The following MAD1L1 variants were observed in gnomAD, a reference collection of about 807,000 sequenced individuals.
The protein encoded by MAD1L1 is mitotic arrest deficient 1 like 1, also known as mitotic spindle assembly checkpoint protein MAD1.
MAD1L1 carries 95 observed loss-of-function variants against 96.9 expected under a neutral mutation model. That is an observed-to-expected ratio of 0.98 (90% CI 0.83 to 1.16). The LOEUF is 1.16. Among genes scored for constraint, MAD1L1 ranks in the 50% most tolerant of loss-of-function variants. The pLI is 0.00. For missense variants in MAD1L1, 1,007 were observed against 954.4 expected, an observed-to-expected ratio of 1.06 and a Z score of -0.73; for synonymous variants, 473 against 396.6, an observed-to-expected ratio of 1.19 and a Z score of -2.29.
chr7:2,121,694 G>A (rs1412259105), intron 11 of MAD1L1, among the ~76,000 whole-genome samples: 4 of 152,206 alleles, frequency 2.6e-5, no homozygotes, highest in Non-Finnish European at 5.9e-5. Flanking sequence ...ACTAGAGCCT[G>A]GGGGCCAGGA....
At chr7:2,017,093 A>T (rs554736010) in intron 12 of MAD1L1, among the ~76,000 whole-genome samples, 1 of 152,364 alleles carries the variant, frequency 6.6e-6, no homozygotes, top group East Asian at 1.9e-4. Flanking sequence ...GAAAAGCATT[A>T]GAAAGTTTGT....
intron 11 of MAD1L1, among the ~76,000 whole-genome samples, chr7:2,089,768 C>T (rs917359005): frequency 6.6e-6 from 1 of 152,232 alleles, no homozygotes; most frequent in Non-Finnish European, 1.5e-5. Context: ...ATCACACTTC[C>T]AAGTGCACAC....
At chr7:1,987,647 T>C (rs1486061777) in intron 14 of MAD1L1, among the ~76,000 whole-genome samples, 1 of 152,162 alleles carries the variant, frequency 6.6e-6, no homozygotes, top group African/African-American at 2.4e-5. Flanking sequence ...TGCAGTGCCC[T>C]CGCCCAGCCG....
intron 18 of MAD1L1, among the ~76,000 whole-genome samples, chr7:1,897,955 G>A (rs1488106577): frequency 1.3e-5 from 2 of 152,254 alleles, no homozygotes; most frequent in East Asian, 3.8e-4. Flanking sequence ...GAGAAAGTCA[G>A]GGGGACAGCC....
intron 17 of MAD1L1, among the ~76,000 whole-genome samples, chr7:1,931,597 C>T (rs1455716107): frequency 4.6e-5 from 7 of 152,198 alleles, no homozygotes; most frequent in South Asian, 2.1e-4. Context: ...AGCGCTCGGA[C>T]GTCCTGCTGA....
chr7:2,071,401 G>A (rs1785119938), intron 11 of MAD1L1, among the ~76,000 whole-genome samples: 1 of 152,234 alleles, frequency 6.6e-6, no homozygotes, highest in Non-Finnish European at 1.5e-5. Flanking sequence ...TGGCGTCCAG[G>A]ACGCGGGCGT....
At chr7:2,205,808 T>C (rs1792570528) in intron 10 of MAD1L1, among the ~76,000 whole-genome samples, 1 of 152,170 alleles carries the variant, frequency 6.6e-6, no homozygotes, top group Admixed American at 6.5e-5. Context: ...ATGTCCTTAT[T>C]TACCACCTAT....
chr7:2,172,612 C>T (rs1294357102), intron 10 of MAD1L1, among the ~76,000 whole-genome samples: 2 of 152,242 alleles, frequency 1.3e-5, no homozygotes, highest in African/African-American at 4.8e-5. Context: ...CCACCTTGGC[C>T]GGCTCAACTT....
chr7:1,898,247 G>A lies in MAD1L1; in HGVS notation c.1951C>T (p.Leu651=). The A allele has an allele frequency of 6.2e-7, 1 of 1,614,080 alleles. No homozygotes were observed. The change falls in exon 18 of 19, where the codon CTG becomes TTG. Residue 651 remains leucine (L), a synonymous_variant. Coordinates refer to ENST00000265854, the MANE Select transcript of MAD1L1 (RefSeq NM_001013836.2). ...IDITTENQYR[L]TSLYAEHPGD... is the part of the protein sequence containing the mutation. The stretch of plus-strand genomic sequence containing the variant: ...GGGTGCTCGGCGTACAGCGAGGTCA[G>A]CCGGTACTGGTTCTCCGTGGTGATG...
chr7:1,919,678 C>A (rs1583787725), intron 17 of MAD1L1, among the ~76,000 whole-genome samples: 1 of 152,230 alleles, frequency 6.6e-6, no homozygotes, highest in African/African-American at 2.4e-5. Flanking sequence ...AACACACCCT[C>A]CACAATGACC....
chr7:2,085,931 G>A (rs73032327), intron 11 of MAD1L1, among the ~76,000 whole-genome samples: 4,118 of 152,292 alleles, frequency 0.027, 95 homozygotes, highest in South Asian at 0.09. Context: ...AGGTGCGTAC[G>A]AGGGCGCCGA....
intron 18 of MAD1L1, among the ~76,000 whole-genome samples, chr7:1,851,047 GA>G (rs1385070334): frequency 6.6e-6 from 1 of 152,204 alleles, no homozygotes; most frequent in Admixed American, 6.5e-5. Flanking sequence ...AGCCCGGCTG[GA>G]GCCAACAAGG....
At chr7:2,069,924 G>T (rs2128529788) in intron 11 of MAD1L1, among the ~76,000 whole-genome samples, 1 of 152,318 alleles carries the variant, frequency 6.6e-6, no homozygotes, top group East Asian at 1.9e-4. Context: ...CCTTTTCCCT[G>T]CATGGTCCCC....
At chr7:2,130,280 G>A (rs1458027029) in intron 11 of MAD1L1, among the ~76,000 whole-genome samples, 1 of 152,168 alleles carries the variant, frequency 6.6e-6, no homozygotes, top group Non-Finnish European at 1.5e-5. Context: ...ACCACGTCCT[G>A]GGGCTAGAGA....
chr7:1,918,169 G>A (rs10251527), intron 17 of MAD1L1, among the ~76,000 whole-genome samples: 31 of 152,084 alleles, frequency 2.0e-4, no homozygotes, highest in African/African-American at 7.2e-4. Context: ...GAATGCCTCC[G>A]AGGCTCTGTG....
At chr7:1,843,571 A>C (rs1286009885) in intron 18 of MAD1L1, among the ~76,000 whole-genome samples, 3 of 152,198 alleles carry the variant, frequency 2.0e-5, no homozygotes, top group Admixed American at 2.0e-4. Context: ...TCTTTACTGC[A>C]ATGCTATTTT....
Position 2,049,785 on chromosome 7 carries a change from A to C in MAD1L1, c.1218+19409T>G, listed in dbSNP as rs553751924. The stretch of plus-strand genomic sequence containing the variant: ...ATCCAATGTCTGCAGGCACCAGACC[A>C]CAGGTTCACAGGGCACCTCATCCAA... On this transcript the variant is annotated intron_variant, in intron 12 of 18. Coordinates refer to ENST00000265854, the MANE Select transcript of MAD1L1 (RefSeq NM_001013836.2). Among the ~76,000 whole-genome samples the C allele has an allele frequency of 2.0e-5, 3 of 152,236 alleles. 1 individual carries two copies. The highest frequency in any genetic ancestry group is 7.2e-5 in the African/African-American group (3 of 41,554).
intron 17 of MAD1L1, among the ~76,000 whole-genome samples, chr7:1,933,526 G>A (rs1034745827): frequency 2.6e-5 from 4 of 152,166 alleles, no homozygotes; most frequent in Non-Finnish European, 4.4e-5. Flanking sequence ...CCAGAGCAGC[G>A]GTCCACAAAC....
chr7:2,086,610 A>C (rs1785932813), intron 11 of MAD1L1, among the ~76,000 whole-genome samples: 1 of 152,156 alleles, frequency 6.6e-6, no homozygotes, highest in African/African-American at 2.4e-5. Context: ...GCTGGAGTGC[A>C]ATGGCACGCT....
Sources: gnomAD v4.1 joint callset for allele counts (sites outside exome capture counted in the v4.1 genomes callset) on GRCh38, gnomAD v4.1.1 for gene constraint, MANE v1.5 for transcripts, NCBI Gene and HGNC (gene_info 2026-07-23, HGNC 2026-07-21) for gene names.